ATP8A1: variants seen among roughly 807,000 people sequenced by gnomAD.
ATP8A1 encodes ATPase phospholipid transporting 8A1.
ATP8A1 carries 90 observed loss-of-function variants against 177.7 expected under a neutral mutation model. The ratio of observed to expected loss-of-function variants is 0.51; its 90% CI spans 0.43 to 0.60. The LOEUF (loss-of-function observed/expected upper bound fraction) is 0.60. ATP8A1 is among the 20% of genes least tolerant of loss of function. ATP8A1 has a pLI of 0.00. For missense variants in ATP8A1, 1,072 were observed against 1,392.8 expected (o/e 0.77, Z 3.67); for synonymous variants, 493 against 485.9 (o/e 1.01, Z -0.19).
At chr4:42,536,763 T>C (rs937148822) in intron 20 of ATP8A1, among the ~76,000 whole-genome samples, 5 of 152,218 alleles carry the variant, frequency 3.3e-5, no homozygotes, top group African/African-American at 1.2e-4. Context: ...GTGGGTTTCA[T>C]ACCAGGGATG....
rs116491257 is a variant in ATP8A1, at chr4:42,528,162, C to G, written c.1723-3315G>C. On this transcript the variant is annotated intron_variant, in intron 20 of 36. Transcript: ENST00000381668. ...AGTGGGTCCAGTGGGTCTCCGGGCT[C>G]ATCCTGTGGTCATTTCCCTGATGCC... Among the ~76,000 whole-genome samples, 1,155 of 152,230 alleles carry G rather than the reference C, an allele frequency of 7.6e-3. 20 individuals are homozygous for G. The highest frequency in any genetic ancestry group is 0.027 in the African/African-American group (1,112 of 41,522).
At chr4:42,469,402 G>A (rs1352656989) in intron 25 of ATP8A1, among the ~76,000 whole-genome samples, 2 of 152,154 alleles carry the variant, frequency 1.3e-5, no homozygotes, top group Admixed American at 6.5e-5. Flanking sequence ...CTGGCAGAAG[G>A]CTGTAGGGAA....
At chr4:42,547,207 G>C (rs984215566) in intron 19 of ATP8A1, among the ~76,000 whole-genome samples, 2 of 151,986 alleles carry the variant, frequency 1.3e-5, no homozygotes, top group African/African-American at 2.4e-5. Flanking sequence ...CTGTGTAAAT[G>C]GTACCTCTAT....
chr4:42,461,659 A>G (rs1267228627), intron 27 of ATP8A1, among the ~76,000 whole-genome samples: 1 of 152,186 alleles, frequency 6.6e-6, no homozygotes, highest in African/African-American at 2.4e-5. Flanking sequence ...AGACTAATAC[A>G]ATAAATTGGT....
chr4:42,437,986 T>A (rs1218256581), intron 33 of ATP8A1, among the ~76,000 whole-genome samples: 1 of 152,224 alleles, frequency 6.6e-6, no homozygotes, highest in Non-Finnish European at 1.5e-5. Context: ...AAATAGTATA[T>A]GCACATCATG....
chr4:42,630,510 C>A (rs2109505056), intron 1 of ATP8A1, among the ~76,000 whole-genome samples: 1 of 152,162 alleles, frequency 6.6e-6, no homozygotes, highest in East Asian at 1.9e-4. Context: ...GTAGGTCAGG[C>A]CTTCAGAAGC....
At chr4:42,530,252 T>G (rs372600797) in intron 20 of ATP8A1, among the ~76,000 whole-genome samples, 2 of 152,188 alleles carry the variant, frequency 1.3e-5, no homozygotes, top group East Asian at 3.8e-4. Flanking sequence ...CACTGCTGAG[T>G]GCCCAATTTG....
chr4:42,459,383 T>A (rs1440220470), intron 27 of ATP8A1: 4 of 176,254 alleles, frequency 2.3e-5, no homozygotes, highest in Non-Finnish European at 4.9e-5. Context: ...TCAATTTAGA[T>A]TTAAAAAGCG....
chr4:42,557,169 C>G (rs1028417654), intron 15 of ATP8A1, among the ~76,000 whole-genome samples: 1 of 152,062 alleles, frequency 6.6e-6, no homozygotes, highest in Non-Finnish European at 1.5e-5. Flanking sequence ...GTCTCCAAAT[C>G]GTAAGAAAAT....
chr4:42,620,166 G>A (rs11938438), intron 4 of ATP8A1, among the ~76,000 whole-genome samples: 34,376 of 152,150 alleles, frequency 0.23, 4,347 homozygotes, highest in Non-Finnish European at 0.29. Context: ...TATTCTCACT[G>A]ATAAAGACAG....
intron 5 of ATP8A1, among the ~76,000 whole-genome samples, chr4:42,609,916 C>T (rs1736202934): frequency 6.6e-6 from 1 of 152,118 alleles, no homozygotes; most frequent in African/African-American, 2.4e-5. Flanking sequence ...CCTAACTTGC[C>T]TCCCTGTCCC....
chr4:42,567,204 A>C (rs1731440245), intron 15 of ATP8A1, among the ~76,000 whole-genome samples: 1 of 152,202 alleles, frequency 6.6e-6, no homozygotes, highest in African/African-American at 2.4e-5. Flanking sequence ...CCTATAGGTA[A>C]TTACTTATTT....
intron 1 of ATP8A1, among the ~76,000 whole-genome samples, chr4:42,652,322 G>A (rs963292503): frequency 3.3e-5 from 5 of 151,986 alleles, no homozygotes; most frequent in African/African-American, 7.3e-5. Flanking sequence ...GAATCCCCAA[G>A]CCCACCACAG....
At chr4:42,620,569 GA>G (rs1229256650) in intron 4 of ATP8A1, among the ~76,000 whole-genome samples, 1 of 152,204 alleles carries the variant, frequency 6.6e-6, no homozygotes, top group African/African-American at 2.4e-5. Flanking sequence ...ACAAGACAGG[GA>G]AGGCAGTTTT....
rs183432265 is a variant in ATP8A1 at position 42,447,007 on chromosome 4, A to C, written c.2897-363T>G. On this transcript the variant is annotated intron_variant, in intron 30 of 36. Transcript: ENST00000381668. ...GAGAGTCATAGGGAATCTTCTCACT[A>C]TCTCTCAATAAAGTTGTTGGCATTG... 1.2e-3 allele frequency among the ~76,000 whole-genome samples: 183 copies of C among 152,300 alleles called. 1 individual carries two copies. Among genetic ancestry groups the C allele is most frequent in the African/African-American group, 4.2e-3 (176 of 41,568 alleles).
intron 6 of ATP8A1, among the ~76,000 whole-genome samples, chr4:42,596,666 CAAAA>C (rs71648737): frequency 4.1e-5 from 3 of 74,020 alleles, no homozygotes; most frequent in African/African-American, 5.0e-5. Flanking sequence ...GACTCCATCT[CAAAA>C]AAAAAAAAAA....
intron 25 of ATP8A1, among the ~76,000 whole-genome samples, chr4:42,466,753 C>T (rs546341862): frequency 6.6e-6 from 1 of 152,322 alleles, no homozygotes; most frequent in Admixed American, 6.5e-5. Flanking sequence ...TCACTGTTAG[C>T]TTGATTTTTC....
chr4:42,548,369 T>A (rs1295065654), intron 19 of ATP8A1, among the ~76,000 whole-genome samples: 3 of 152,206 alleles, frequency 2.0e-5, no homozygotes, highest in Non-Finnish European at 4.4e-5. Flanking sequence ...GCTGGGCTTG[T>A]GAATCAGGCA....
At chr4:42,635,161 C>CT (rs111950204) in intron 1 of ATP8A1, among the ~76,000 whole-genome samples, 2,172 of 148,058 alleles carry the variant, frequency 0.015, 48 homozygotes, top group African/African-American at 0.047. Context: ...ATATTGAGTA[C>CT]TTTTTTTTTT....
Sources: gnomAD v4.1 joint callset for allele counts (sites outside exome capture counted in the v4.1 genomes callset) on GRCh38, gnomAD v4.1.1 for gene constraint, MANE v1.5 for transcripts, NCBI Gene and HGNC (gene_info 2026-07-23, HGNC 2026-07-21) for gene names.